HAUS1: variants seen among roughly 807,000 people sequenced by gnomAD.
HAUS1 encodes the protein HAUS augmin like complex subunit 1, also known as HAUS augmin-like complex subunit 1.
Under a neutral mutation model 38.6 loss-of-function variants are expected in HAUS1, and 25 were observed. That is an observed-to-expected ratio of 0.65 (90% CI 0.47 to 0.91). The LOEUF is 0.91. Ranked by LOEUF, HAUS1 falls within the 40% of genes least tolerant of loss-of-function variation. HAUS1 has a pLI of 0.00. For synonymous variants in HAUS1, 109 were observed against 112.9 expected, an observed-to-expected ratio of 0.97 and a Z score of 0.22; for missense variants, 325 against 328.4, an observed-to-expected ratio of 0.99 and a Z score of 0.08.
chr18:46,125,953 G>C (rs886698708), intron 8 of HAUS1, 162 bp downstream of exon 8: 2 of 557,972 alleles, frequency 3.6e-6, no homozygotes, highest in Non-Finnish European at 3.2e-6. Flanking sequence ...TTTTTTGGCT[G>C]TGTACGTGTG....
At position 46,127,091 on chromosome 18, in the gene HAUS1, C is replaced by T. The variant is rs1050173768; in HGVS notation, c.787-984C>T. On this transcript the variant is annotated intron_variant, in intron 8 of 8. Transcript: ENST00000282058. ...TCAGGTGATCCACCCGCCTCAGCCT[C>T]CCAAAGTGCTGGAGTTACAGGCGTG... 1.3e-5 allele frequency among the ~76,000 whole-genome samples: 2 copies of T among 151,774 alleles called. 1 individual carries two copies. The highest frequency in any genetic ancestry group is 4.1e-4 in the South Asian group (2 of 4,828).
chr18:46,115,691 C>A (rs1911780161), intron 2 of HAUS1, among the ~76,000 whole-genome samples: 1 of 152,030 alleles, frequency 6.6e-6, no homozygotes, highest in African/African-American at 2.4e-5. Flanking sequence ...AAGGTATATA[C>A]CCTTGTAACC....
intron 5 of HAUS1, 128 bp downstream of exon 5, chr18:46,122,718 A>C: frequency 1.0e-6 from 1 of 967,074 alleles, no homozygotes. Context: ...AAGTTGCCCA[A>C]GATTACATAG....
At chr18:46,116,078 C>G (rs1405336098) in intron 2 of HAUS1, among the ~76,000 whole-genome samples, 1 of 150,938 alleles carries the variant, frequency 6.6e-6, no homozygotes, top group Admixed American at 6.6e-5. Context: ...TGCACTCCAG[C>G]CTGAGCAACA....
At position 46,124,874 on chromosome 18, in the gene HAUS1, C is replaced by A. The variant is rs999221165; in HGVS notation, c.719C>A (p.Ser240Tyr). 6.3e-7 allele frequency: 1 copy of A among 1,588,638 alleles called. No homozygotes were observed. Residue 240 changes from serine (S) to tyrosine (Y), a missense_variant, in exon 7 of 9, where the codon TCC becomes TAC. Transcript: ENST00000282058. ...QTIPLKKKLE[S>Y]YLDLMPNPSL... is the part of the protein sequence containing the mutation. ...ATACCTTTGAAGAAAAAATTGGAGTCCTATTTAGACTTAATGCCGGTAATA... is the reference window on the plus strand; with the variant it reads ...ATACCTTTGAAGAAAAAATTGGAGTACTATTTAGACTTAATGCCGGTAATA...
intron 3 of HAUS1, among the ~76,000 whole-genome samples, chr18:46,119,615 G>A (rs899371295): frequency 1.3e-5 from 2 of 152,160 alleles, no homozygotes; most frequent in African/African-American, 4.8e-5. Flanking sequence ...AGATAGAAAT[G>A]TGACTATAAC....
At chr18:46,118,988 C>T (rs1911865949) in intron 3 of HAUS1, among the ~76,000 whole-genome samples, 3 of 152,126 alleles carry the variant, frequency 2.0e-5, no homozygotes, top group African/African-American at 4.8e-5. Flanking sequence ...CTACCTCAGC[C>T]TCCCAAATAG....
chr18:46,126,267 TC>T (rs1213831332), intron 8 of HAUS1, among the ~76,000 whole-genome samples: 1 of 152,018 alleles, frequency 6.6e-6, no homozygotes, highest in Non-Finnish European at 1.5e-5. Context: ...AGAGCAAGAC[TC>T]CCTCTCAAAA....
intron 2 of HAUS1, among the ~76,000 whole-genome samples, chr18:46,117,538 G>A (rs747713588): frequency 1.3e-5 from 2 of 152,144 alleles, no homozygotes; most frequent in Non-Finnish European, 2.9e-5. Context: ...AGGAAGTGAT[G>A]ACTAAGGGGG....
At chr18:46,119,013 G>A (rs766324682) in intron 3 of HAUS1, among the ~76,000 whole-genome samples, 11 of 151,106 alleles carry the variant, frequency 7.3e-5, no homozygotes, top group Middle Eastern at 3.4e-3. Flanking sequence ...GATTACAGGC[G>A]CCTGCCACCA....
At chr18:46,112,943 T>C (rs1911691681) in intron 2 of HAUS1, among the ~76,000 whole-genome samples, 1 of 112,746 alleles carries the variant, frequency 8.9e-6, no homozygotes, top group Admixed American at 1.1e-4. Context: ...CCATATAATA[T>C]ATATAATATA....
chr18:46,106,387 T>G (rs970679386), intron 2 of HAUS1, among the ~76,000 whole-genome samples: 1 of 151,394 alleles, frequency 6.6e-6, no homozygotes, highest in African/African-American at 2.4e-5. Flanking sequence ...GAGAATGGCG[T>G]GATCCCAGGA....
chr18:46,126,488 G>A (rs1372700377), intron 8 of HAUS1, among the ~76,000 whole-genome samples: 1 of 152,162 alleles, frequency 6.6e-6, no homozygotes, highest in African/African-American at 2.4e-5. Context: ...GATAAAGTTG[G>A]AAAAGGTCAA....
At chr18:46,110,152 CTTTTTTTTTTT>C (rs869105132) in intron 2 of HAUS1, among the ~76,000 whole-genome samples, 1 of 115,370 alleles carries the variant, frequency 8.7e-6, no homozygotes, top group Non-Finnish European at 1.8e-5. Flanking sequence ...TTATTTTGTC[CTTTTTTTTTTT>C]TTTTTTTTTT....
chr18:46,105,532 TTATATA>T (rs1911440048), intron 2 of HAUS1, 164 bp downstream of exon 2: 4 of 584,108 alleles, frequency 6.8e-6, no homozygotes, highest in Admixed American at 6.3e-5. Flanking sequence ...TGTTTTATGT[TTATATA>T]TATGTATATG....
At chr18:46,108,943 C>A (rs1459242561) in intron 2 of HAUS1, among the ~76,000 whole-genome samples, 1 of 151,662 alleles carries the variant, frequency 6.6e-6, no homozygotes, top group Non-Finnish European at 1.5e-5. Flanking sequence ...TGGTGGCGGG[C>A]GCCTGTAGTC....
At chr18:46,108,196 A>G (rs745374849) in intron 2 of HAUS1, among the ~76,000 whole-genome samples, 9 of 151,900 alleles carry the variant, frequency 5.9e-5, no homozygotes, top group South Asian at 4.1e-4. Flanking sequence ...GAGAGAATCC[A>G]GTCTTCACCA....
At chr18:46,109,348 C>T (rs1452989731) in intron 2 of HAUS1, among the ~76,000 whole-genome samples, 2 of 152,154 alleles carry the variant, frequency 1.3e-5, no homozygotes, top group Non-Finnish European at 2.9e-5. Flanking sequence ...CCTCCCCTGA[C>T]ACGTGGGGAT....
chr18:46,127,181 A>G (rs191694246), intron 8 of HAUS1, among the ~76,000 whole-genome samples: 1 of 151,562 alleles, frequency 6.6e-6, no homozygotes, highest in Non-Finnish European at 1.5e-5. Context: ...CATGTTGGCC[A>G]GGCTGGTCTC....
Sources: gnomAD v4.1 joint callset for allele counts (sites outside exome capture counted in the v4.1 genomes callset) on GRCh38, gnomAD v4.1.1 for gene constraint, MANE v1.5 for transcripts, NCBI Gene and HGNC (gene_info 2026-07-23, HGNC 2026-07-21) for gene names.